MOV10: variants seen among roughly 807,000 people sequenced by gnomAD.
The protein encoded by MOV10 is RNA helicase MOV-10.
In MOV10, 39 loss-of-function variants were observed where a neutral mutation model predicts 108.4. That is an observed-to-expected ratio of 0.36 (90% CI 0.28 to 0.47). The LOEUF is 0.47. MOV10 is among the 20% of genes least tolerant of loss of function. The pLI is 1.00. For synonymous variants in MOV10, 490 were observed against 523.1 expected (o/e 0.94, Z 0.86); for missense variants, 952 against 1,297.6 (o/e 0.73, Z 4.09).
Position 112,694,956 on chromosome 1 carries a change from TC to T in MOV10, c.1620+64del. On this transcript the variant is annotated intron_variant, in intron 10 of 20. Transcript: ENST00000369645. The surrounding 1 kb of genome is among the most constrained non-coding windows in gnomAD (Gnocchi z 4.1). ...TGATTCCCCCAGCACCAAGCAGTTG[TC>T]CCCAGATTCTAGTTCCTTCCCACTC... The T allele has an allele frequency of 1.3e-6, 2 of 1,541,092 alleles. No homozygotes were observed. Among genetic ancestry groups the T allele is most frequent in the South Asian group, 1.2e-5 (1 of 82,866 alleles).
intron 14 of MOV10, 101 bp downstream of exon 14, chr1:112,696,947 G>A (rs1259414804): frequency 9.2e-6 from 9 of 977,604 alleles, no homozygotes; most frequent in Admixed American, 4.4e-5. Context: ...CTGTTGCTCA[G>A]AGGTTGTGTG....
At chr1:112,693,918 A>C in intron 7 of MOV10, 100 bp from the exon 8 acceptor site, 1 of 1,028,626 alleles carries the variant, frequency 9.7e-7, no homozygotes, top group Admixed American at 2.1e-5. Flanking sequence ...TTAGAAGGCC[A>C]GTCTCAGTCC....
chr1:112,679,433 G>A (rs1274718005), intron 2 of MOV10, among the ~76,000 whole-genome samples: 1 of 152,072 alleles, frequency 6.6e-6, no homozygotes, highest in Non-Finnish European at 1.5e-5. Context: ...TTCAGGAAAC[G>A]TTTTCTGTTG....
intron 2 of MOV10, among the ~76,000 whole-genome samples, chr1:112,681,830 G>A (rs531691564): frequency 4.0e-5 from 6 of 151,586 alleles, no homozygotes; most frequent in East Asian, 3.9e-4. Context: ...ATTATTTAGC[G>A]TGATTATTAT....
At position 112,691,783 on chromosome 1, in the gene MOV10, G is replaced by A. The variant is rs1673611025; in HGVS notation, c.955G>A (p.Glu319Lys). The A allele has an allele frequency of 1.2e-6, 2 of 1,613,920 alleles. No individual in the cohort carries two copies. Among genetic ancestry groups the A allele is most frequent in the Non-Finnish European group, 1.7e-6 (2 of 1,179,852 alleles). Reference protein sequence around the residue: ...QGTSIFTAPKEIAEIKAQLET... With the variant: ...QGTSIFTAPKKIAEIKAQLET... The stretch of plus-strand genomic sequence containing the variant: ...AACAAGTATCTTCACTGCCCCTAAG[G>A]AGATCGCAGAGATCAAGTAAGTACC... The change falls in exon 6 of 21, where the codon GAG becomes AAG. Residue 319 changes from glutamate (E) to lysine (K), a missense_variant. Around this residue, in one of 5 missense-constraint regions of MOV10, gnomAD observed 374 missense variants for 468.6 expected, o/e 0.80. Coordinates refer to ENST00000369645, the MANE Select transcript of MOV10 (RefSeq NM_001321324.2).
In MOV10 at chr1:112,694,147, C is replaced by T. The variant is rs143888387; in HGVS notation, c.1270C>T (p.Arg424Cys). Residue 424 changes from arginine (R) to cysteine (C), a missense_variant, in exon 8 of 21, where the codon CGT becomes TGT. Arg to Cys is a radical substitution (Grantham distance 180). This residue lies in a region of MOV10 where 453 missense variants were observed against 611.5 expected (regional missense o/e 0.74). Coordinates refer to ENST00000369645, the MANE Select transcript of MOV10 (RefSeq NM_001321324.2). This position sits in a 1 kb window ranked among gnomAD's most constrained non-coding sequence, Gnocchi z 4.1. ...KGFVHKVELD[R>C]VKLSFSMSLL... ...CTTTGTGCACAAGGTGGAATTGGAC[C>T]GTGTCAAGCTGAGCTTTTCCATGAG... is the stretch of plus-strand genomic sequence containing the variant. 1.2e-5 allele frequency: 19 copies of T among 1,614,074 alleles called. No individual in the cohort carries two copies. The highest frequency in any genetic ancestry group is 1.5e-5 in the Non-Finnish European group (18 of 1,180,000).
At chr1:112,688,599 C>A in intron 2 of MOV10, 4 of 1,209,648 alleles carry the variant, frequency 3.3e-6, no homozygotes, top group Non-Finnish European at 4.1e-6. Flanking sequence ...AAACAGTTTC[C>A]CCCACAAAAA....
upstream of MOV10, chr1:112,674,612 C>T: frequency 3.8e-6 from 1 of 260,886 alleles, no homozygotes; most frequent in Non-Finnish European, 7.3e-6. Flanking sequence ...TGGCTAGAAG[C>T]CAGGGGAGGG....
chr1:112,692,654 C>A, intron 6 of MOV10, 107 bp from the exon 7 acceptor site: 2 of 1,428,598 alleles, frequency 1.4e-6, no homozygotes, highest in Non-Finnish European at 9.4e-7. Context: ...CTTTTTGACG[C>A]TAGTTCCAGA....
intron 5 of MOV10, among the ~76,000 whole-genome samples, chr1:112,691,077 G>A (rs1673540244): frequency 6.6e-6 from 1 of 151,996 alleles, no homozygotes; most frequent in South Asian, 2.1e-4. Context: ...TCAAGAGTTT[G>A]AGATCAGCCT....
At position 112,698,279 on chromosome 1, in the gene MOV10, A is replaced by G. The variant is rs528196243; in HGVS notation, c.2317-8A>G. On this transcript the variant is annotated splice_polypyrimidine_tract_variant and splice_region_variant and intron_variant, in intron 15 of 20. Transcript: ENST00000369645. ...CTGGCTGACGGTTTCCCCCGACCCC[A>G]TGTCCAGGGCTTTCCCATCATCTTT... is the stretch of plus-strand genomic sequence containing the variant. 101 of 1,611,042 alleles carry G rather than the reference A, an allele frequency of 6.3e-5. No individual in the cohort carries two copies. The East Asian group carries it at 2.2e-3, about 36-fold the overall frequency.
At chr1:112,678,146 T>C (rs1334825912) in intron 2 of MOV10, among the ~76,000 whole-genome samples, 1 of 152,156 alleles carries the variant, frequency 6.6e-6, no homozygotes, top group Non-Finnish European at 1.5e-5. Context: ...TGTAAAATAG[T>C]ACCTTTCTCT....
chr1:112,698,819 C>T (rs761071197), intron 17 of MOV10, 30 bp downstream of exon 17: 3 of 1,588,702 alleles, frequency 1.9e-6, no homozygotes, highest in Non-Finnish European at 2.6e-6. Context: ...TCACTCCCTG[C>T]CTTCCGTGTG....
intron 11 of MOV10, 52 bp from the exon 12 acceptor site, chr1:112,696,096 G>A: frequency 8.0e-7 from 1 of 1,242,766 alleles, no homozygotes; most frequent in Non-Finnish European, 1.2e-6. Flanking sequence ...CAGAATCACG[G>A]TGGGAATGAG....
At position 112,680,672 on chromosome 1, in the gene MOV10, A is replaced by C. The variant is rs568195975; in HGVS notation, c.137+5623A>C. On this transcript the variant is annotated intron_variant, in intron 2 of 20. Coordinates refer to ENST00000369645, the MANE Select transcript of MOV10 (RefSeq NM_001321324.2). ...CTCCGTCTCAAAAAAAAAAAAAAAA[A>C]AAAAAACTTTTGGTGATCACCTTTT... Among the ~76,000 whole-genome samples the C allele has an allele frequency of 9.8e-4, 147 of 149,766 alleles. 3 individuals are homozygous for C. The highest frequency in any genetic ancestry group is 3.5e-3 in the African/African-American group (142 of 40,874).
chr1:112,677,640 C>T (rs1672299399), intron 2 of MOV10, among the ~76,000 whole-genome samples: 1 of 152,076 alleles, frequency 6.6e-6, no homozygotes, highest in South Asian at 2.1e-4. Context: ...AGATCCTCTA[C>T]CTTTAGTCAG....
At chr1:112,696,872 G>T in intron 14 of MOV10, 26 bp downstream of exon 14, 1 of 1,545,926 alleles carries the variant, frequency 6.5e-7, no homozygotes, top group East Asian at 2.4e-5. Flanking sequence ...TGCCTCCCCT[G>T]CCATATCCTA....
Position 112,699,883 on chromosome 1 carries a change from C to T in MOV10, c.2710-11C>T, listed in dbSNP as rs760211379. ...CTTCCCTCCCATGACCACACCACTTCTTCCTTCCAGAGGTTCAATGTAGCT... is the reference window on the plus strand; with the variant it reads ...CTTCCCTCCCATGACCACACCACTTTTTCCTTCCAGAGGTTCAATGTAGCT... On this transcript the variant is annotated splice_polypyrimidine_tract_variant and intron_variant, in intron 18 of 20. Transcript: ENST00000369645. The T allele has an allele frequency of 6.2e-7, 1 of 1,614,158 alleles. No individual in the cohort carries two copies. The highest frequency in any genetic ancestry group is 8.5e-7 in the Non-Finnish European group (1 of 1,180,010).
chr1:112,692,996 A>G (rs1005067177), intron 7 of MOV10, 67 bp downstream of exon 7: 2 of 1,436,816 alleles, frequency 1.4e-6, no homozygotes, highest in Admixed American at 2.0e-5. Context: ...TGTGGGCAGA[A>G]CTATTCCTGA....
Sources: gnomAD v4.1 joint callset for allele counts (sites outside exome capture counted in the v4.1 genomes callset) on GRCh38, gnomAD v4.1.1 for gene constraint, gnomAD v4.1.1 regional missense constraint, Gnocchi (gnomAD v3.1) non-coding constraint, MANE v1.5 for transcripts, NCBI Gene and HGNC (gene_info 2026-07-23, HGNC 2026-07-21) for gene names.